RAI1: variants seen among roughly 807,000 people sequenced by gnomAD.
The protein encoded by RAI1 is retinoic acid induced 1, also known as retinoic acid-induced protein 1.
RAI1 carries 9 observed loss-of-function variants against 123.8 expected under a neutral mutation model. The ratio of observed to expected loss-of-function variants is 0.07; its 90% CI spans 0.04 to 0.13. The LOEUF (loss-of-function observed/expected upper bound fraction) is 0.13, where lower values mean the gene tolerates loss of function less well. RAI1 is among the 10% of genes least tolerant of loss of function. The pLI is 1.00. For missense variants in RAI1, 2,256 were observed against 2,545.8 expected (o/e 0.89, Z 2.45); for synonymous variants, 1,231 against 1,127.3 (o/e 1.09, Z -1.84).
chr17:17,718,499 G>A (rs1252428800), intron 1 of RAI1, among the ~76,000 whole-genome samples: 2 of 152,330 alleles, frequency 1.3e-5, no homozygotes, highest in African/African-American at 2.4e-5. Flanking sequence ...GAACAGGGCT[G>A]TAGTTGTTGA....
intron 2 of RAI1, among the ~76,000 whole-genome samples, chr17:17,744,693 G>A (rs1390826355): frequency 1.3e-5 from 2 of 151,324 alleles, no homozygotes; most frequent in East Asian, 1.9e-4. Flanking sequence ...AGGAGGCTGA[G>A]GCAGGAGAAT....
chr17:17,798,070 C>A lies in RAI1; in HGVS notation c.5122C>A (p.Pro1708Thr). 1 of 1,614,106 alleles carries A rather than the reference C, an allele frequency of 6.2e-7. No homozygotes were observed. Among genetic ancestry groups the A allele is most frequent in the South Asian group, 1.1e-5 (1 of 91,090 alleles). The change falls in exon 3 of 6, where the codon CCT (proline) becomes ACT (threonine). Residue 1708 changes from proline (P) to threonine (T), a missense_variant. Around this residue, in one of 7 missense-constraint regions of RAI1, gnomAD observed 243 missense variants for 316.6 expected, o/e 0.77. Transcript: ENST00000353383. The part of the protein sequence containing the change: ...DLGDLCGPYY[P>T]EHCLPKKKPK... ...TGGGGACCTCTGTGGGCCCTACTAC[C>A]CTGAACACTGCCTCCCCAAAAAGAA...
At chr17:17,791,748 T>G (rs986055088) in intron 2 of RAI1, among the ~76,000 whole-genome samples, 12 of 152,224 alleles carry the variant, frequency 7.9e-5, no homozygotes, top group Middle Eastern at 3.4e-3. Flanking sequence ...CTTTCTTCCA[T>G]CCCTCTTTGA....
At chr17:17,745,441 T>C (rs1039972602) in intron 2 of RAI1, among the ~76,000 whole-genome samples, 1 of 151,602 alleles carries the variant, frequency 6.6e-6, no homozygotes, top group African/African-American at 2.4e-5. Context: ...TTGTTTTTGT[T>C]TTTGTTTTTT....
intron 2 of RAI1, among the ~76,000 whole-genome samples, chr17:17,775,650 G>C (rs1368282198): frequency 6.6e-6 from 1 of 152,060 alleles, no homozygotes; most frequent in Non-Finnish European, 1.5e-5. Flanking sequence ...CTATTTACTA[G>C]TCATGAAGTA....
chr17:17,683,852 T>C (rs979317566), intron 1 of RAI1: 1 of 152,174 alleles, frequency 6.6e-6, no homozygotes, highest in Admixed American at 6.5e-5. Context: ...GGGGCTCTCA[T>C]AGGCAGGGAC....
chr17:17,734,554 G>T (rs1291136298), intron 2 of RAI1, among the ~76,000 whole-genome samples: 1 of 152,214 alleles, frequency 6.6e-6, no homozygotes, highest in African/African-American at 2.4e-5. Context: ...GCAGACCAGG[G>T]CTAACCAAGG....
intron 4 of RAI1, among the ~76,000 whole-genome samples, chr17:17,808,977 T>C (rs1444943397): frequency 6.6e-6 from 1 of 151,980 alleles, no homozygotes; most frequent in East Asian, 1.9e-4. Flanking sequence ...ACAGAGCTGG[T>C]GCCCTCTGGG....
intron 1 of RAI1, among the ~76,000 whole-genome samples, chr17:17,710,081 CGCTCATGTCAG>C (rs1435466735): frequency 1.3e-5 from 2 of 152,186 alleles, no homozygotes; most frequent in East Asian, 3.9e-4. Flanking sequence ...GCCCCGGCCA[CGCTCATGTCAG>C]GATTCTGAAG....
At chr17:17,695,845 C>T (rs1457613393) in intron 1 of RAI1, among the ~76,000 whole-genome samples, 2 of 152,142 alleles carry the variant, frequency 1.3e-5, no homozygotes, top group Admixed American at 6.5e-5. Flanking sequence ...TAAGAGGCAC[C>T]GATTCAGCTA....
At chr17:17,724,456 G>A (rs1389153257) in intron 2 of RAI1, among the ~76,000 whole-genome samples, 1 of 133,626 alleles carries the variant, frequency 7.5e-6, no homozygotes, top group Non-Finnish European at 1.6e-5. Context: ...TGGTTGTGCT[G>A]GGGATTCCCC....
chr17:17,708,713 T>A (rs541794261), intron 1 of RAI1, among the ~76,000 whole-genome samples: 1 of 152,170 alleles, frequency 6.6e-6, no homozygotes, highest in Admixed American at 6.5e-5. Flanking sequence ...TTCTAGCGAC[T>A]GAGGGCCTCT....
intron 2 of RAI1, among the ~76,000 whole-genome samples, chr17:17,785,044 A>G (rs1598080489): frequency 6.6e-6 from 1 of 152,000 alleles, no homozygotes. Context: ...TCTCAACACC[A>G]CCAGGGCAGT....
chr17:17,733,504 T>G (rs775746838), intron 2 of RAI1, among the ~76,000 whole-genome samples: 1 of 152,192 alleles, frequency 6.6e-6, no homozygotes, highest in Admixed American at 6.5e-5. Flanking sequence ...CAGATGACCC[T>G]CACAGCATCC....
rs914145157 is a variant in RAI1 at position 17,799,798 on chromosome 17, T to C, written c.5565+1285T>C. Among the ~76,000 whole-genome samples, 3 of 151,488 alleles carry C rather than the reference T, an allele frequency of 2.0e-5. No individual in the cohort carries two copies. The highest frequency in any genetic ancestry group is 4.4e-5 in the Non-Finnish European group (3 of 67,880). ...CCTGCCCAGCCTCCTCCCCCGTCGC[T>C]GCACTGCCCACCTGCTCCTCGCAGT... On this transcript the variant is annotated intron_variant, in intron 3 of 5. Coordinates refer to ENST00000353383, the MANE Select transcript of RAI1 (RefSeq NM_030665.4). This position sits in a 1 kb window ranked among gnomAD's most constrained non-coding sequence, Gnocchi z 4.5.
At chr17:17,715,055 G>C (rs1355569518) in intron 1 of RAI1, among the ~76,000 whole-genome samples, 1 of 152,242 alleles carries the variant, frequency 6.6e-6, no homozygotes, top group Non-Finnish European at 1.5e-5. Flanking sequence ...TTCAGAGAGG[G>C]TGTAGAACTG....
intron 2 of RAI1, among the ~76,000 whole-genome samples, chr17:17,755,978 C>T (rs1488740526): frequency 1.3e-5 from 2 of 152,210 alleles, no homozygotes; most frequent in Admixed American, 6.5e-5. Context: ...GTCCCCAGTG[C>T]GGCCCTCGGT....
At chr17:17,772,291 C>T (rs1054154321) in intron 2 of RAI1, among the ~76,000 whole-genome samples, 3 of 152,178 alleles carry the variant, frequency 2.0e-5, no homozygotes, top group African/African-American at 7.2e-5. Flanking sequence ...TTTCTCCCTG[C>T]ATTTCCAGCC....
chr17:17,761,532 G>A (rs556315559), intron 2 of RAI1, among the ~76,000 whole-genome samples: 2 of 152,286 alleles, frequency 1.3e-5, no homozygotes, highest in East Asian at 1.9e-4. Context: ...AGGGGAAGAG[G>A]GTATCTAGGG....
Sources: allele counts gnomAD v4.1 joint callset (sites outside exome capture counted in the v4.1 genomes callset), GRCh38; gene constraint gnomAD v4.1.1; regional missense constraint gnomAD v4.1.1; non-coding constraint Gnocchi (gnomAD v3.1); transcripts MANE v1.5; gene names NCBI Gene and HGNC (gene_info 2026-07-23, HGNC 2026-07-21).